ADGRD1: variants seen among roughly 807,000 people sequenced by gnomAD.
ADGRD1 encodes the protein G-protein coupled receptor 133.
In ADGRD1, 77 loss-of-function variants were observed where a neutral mutation model predicts 113.4. The ratio of observed to expected loss-of-function variants is 0.68; its 90% CI spans 0.57 to 0.82. The LOEUF is 0.82. Ranked by LOEUF, ADGRD1 falls within the 40% of genes least tolerant of loss-of-function variation. ADGRD1 has a pLI of 0.00. For synonymous variants in ADGRD1, 474 were observed against 475.0 expected, an observed-to-expected ratio of 1.00 and a Z score of 0.03; for missense variants, 1,036 against 1,139.1, an observed-to-expected ratio of 0.91 and a Z score of 1.30.
chr12:131,101,700 G>A (rs920514486), intron 15 of ADGRD1, among the ~76,000 whole-genome samples: 2 of 152,068 alleles, frequency 1.3e-5, no homozygotes. Flanking sequence ...GTTTTTAACT[G>A]AATTCAGTTT....
Position 131,034,406 on chromosome 12 carries a change from C to T in ADGRD1, c.1473+20066C>T, listed in dbSNP as rs377250233. Among the ~76,000 whole-genome samples the T allele has an allele frequency of 8.5e-5, 13 of 152,358 alleles. No individual in the cohort carries two copies. The East Asian group carries it at 2.1e-3, about 25-fold the overall frequency. ...TGTCCTCCACTGCCCAGCCCAGCCT[C>T]GCCAGCCACTCGCCACATCAGCTGG... On this transcript the variant is annotated intron_variant, in intron 13 of 24. Coordinates refer to ENST00000261654, the MANE Select transcript of ADGRD1 (RefSeq NM_198827.5).
At chr12:130,980,982 G>A (rs1467336389) in intron 4 of ADGRD1, 1 of 152,226 alleles carries the variant, frequency 6.6e-6, no homozygotes, top group Non-Finnish European at 1.5e-5. Flanking sequence ...CCCGCAGCGT[G>A]GGCCTGGGGT....
At chr12:131,004,149 T>C (rs1046578679) in intron 10 of ADGRD1, 37 bp from the exon 11 acceptor site, 18 of 1,342,988 alleles carry the variant, frequency 1.3e-5, no homozygotes, top group Non-Finnish European at 1.7e-5. Flanking sequence ...CTGTGAGCTC[T>C]GACGGGACTT....
chr12:131,115,549 ATC>A (rs1950444826), intron 18 of ADGRD1, among the ~76,000 whole-genome samples: 1 of 142,148 alleles, frequency 7.0e-6, no homozygotes, highest in Non-Finnish European at 1.6e-5. Context: ...ACCTCGGTTA[ATC>A]TCTCATAACC....
rs1887257318 is a variant in ADGRD1 at position 131,096,018 on chromosome 12, GCGGC to G, written c.1672-8812_1672-8809del. On this transcript the variant is annotated intron_variant, in intron 15 of 24. Transcript: ENST00000261654. This position sits in a 1 kb window ranked among gnomAD's most constrained non-coding sequence, Gnocchi z 5.2. ...CCGCCTCCCAGCCCTGCCCAGAGCAGCGGCTTAGGGTCACGGCCACCATTCCTGC... is the reference window on the plus strand; with the variant it reads ...CCGCCTCCCAGCCCTGCCCAGAGCAGTTAGGGTCACGGCCACCATTCCTGC... Among the ~76,000 whole-genome samples the G allele has an allele frequency of 4.5e-5, 4 of 88,332 alleles. No individual in the cohort carries two copies. In the Admixed American group the frequency reaches 6.7e-4, roughly 15 times the overall value. 57.9% of individuals were successfully genotyped at this position (88,332 alleles called of 152,430 possible).
chr12:131,129,538 C>A (rs374490208), intron 20 of ADGRD1, among the ~76,000 whole-genome samples: 1 of 150,934 alleles, frequency 6.6e-6, no homozygotes, highest in African/African-American at 2.5e-5. Flanking sequence ...TCGGTGTGGA[C>A]GTTCAGGTTG....
intron 2 of ADGRD1, chr12:130,962,523 G>A (rs746730146): frequency 6.6e-6 from 1 of 152,040 alleles, no homozygotes; most frequent in Non-Finnish European, 1.5e-5. Context: ...AAGTCAATGA[G>A]GTTTTGTCCT....
At chr12:130,993,954 C>G (rs546223109) in intron 8 of ADGRD1, 1 of 163,712 alleles carries the variant, frequency 6.1e-6, no homozygotes, top group Non-Finnish European at 1.3e-5. Context: ...ACTCCCTCCT[C>G]GTCAGGGGGA....
At chr12:131,080,855 C>T (rs985502379) in intron 14 of ADGRD1, among the ~76,000 whole-genome samples, 14 of 152,122 alleles carry the variant, frequency 9.2e-5, no homozygotes, top group Admixed American at 4.6e-4. Flanking sequence ...CTCCTGACCT[C>T]GTGATCCGCC....
At chr12:131,094,003 G>A (rs1471944349) in intron 15 of ADGRD1, among the ~76,000 whole-genome samples, 1 of 130,360 alleles carries the variant, frequency 7.7e-6, no homozygotes, top group Non-Finnish European at 1.7e-5. Flanking sequence ...CCAGCCCTGA[G>A]CACCCAGCCT....
chr12:131,034,436 T>A (rs11061292), intron 13 of ADGRD1, among the ~76,000 whole-genome samples: 57,957 of 152,168 alleles, frequency 0.38, 11,918 homozygotes, highest in South Asian at 0.53. Context: ...AGCTGGCTCC[T>A]TTTCTTTCCT....
At chr12:131,105,599 T>C (rs577224211) in intron 16 of ADGRD1, among the ~76,000 whole-genome samples, 155 bp from the exon 17 acceptor site, 126 of 152,140 alleles carry the variant, frequency 8.3e-4, no homozygotes, top group Non-Finnish European at 1.4e-3. Context: ...CCAAGAGCAA[T>C]AGGGAGCCAT....
At chr12:131,040,426 C>G (rs537818174) in intron 13 of ADGRD1, among the ~76,000 whole-genome samples, 155 of 152,336 alleles carry the variant, frequency 1.0e-3, no homozygotes, top group African/African-American at 3.5e-3. Flanking sequence ...AAGTCTTAAG[C>G]AGTAATCTCC....
At position 130,971,475 on chromosome 12, in the gene ADGRD1, G is replaced by C. The variant is rs745568689; in HGVS notation, c.205G>C (p.Val69Leu). The C allele has an allele frequency of 2.5e-6, 4 of 1,613,280 alleles. No individual in the cohort carries two copies. Among genetic ancestry groups the C allele is most frequent in the Non-Finnish European group, 3.4e-6 (4 of 1,179,606 alleles). The change falls in exon 4 of 25, where the codon GTC becomes CTC. Residue 69 changes from valine (V) to leucine (L), a missense_variant. Physicochemically the swap from Val to Leu is conservative, Grantham distance 32. Coordinates refer to ENST00000261654, the MANE Select transcript of ADGRD1 (RefSeq NM_198827.5). The surrounding 1 kb of genome is among the most constrained non-coding windows in gnomAD (Gnocchi z 4.2). ...TTCCTTAGATATTGTGGAAGGGAAG[G>C]TCAACAAAGGCATTTACCTGAAAGA... is the stretch of plus-strand genomic sequence containing the variant. ...DTTGDIVEGK[V>L]NKGIYLKEEK...
chr12:131,004,392 G>GCTGCGGTGCTCCCCGGGCCGC, intron 11 of ADGRD1, 96 bp downstream of exon 11: 2 of 790,716 alleles, frequency 2.5e-6, no homozygotes, highest in Non-Finnish European at 4.2e-6. Context: ...GCGCCAGGGA[G>GCTGCGGTGCTCCCCGGGCCGC]CTGCGGTGCT....
intron 15 of ADGRD1, among the ~76,000 whole-genome samples, chr12:131,098,174 T>C (rs12816845): frequency 0.067 from 9,181 of 137,502 alleles, 1,103 homozygotes; most frequent in Non-Finnish European, 0.1. Flanking sequence ...TCTCCCGCAG[T>C]GGCTGCTGTC....
Position 131,050,836 on chromosome 12 carries a change from C to G in ADGRD1, c.1474-25965C>G, listed in dbSNP as rs1306592665. 6.6e-6 allele frequency among the ~76,000 whole-genome samples: 1 copy of G among 152,140 alleles called. No individual in the cohort carries two copies. Among genetic ancestry groups the G allele is most frequent in the African/African-American group, 2.4e-5 (1 of 41,416 alleles). On this transcript the variant is annotated intron_variant, in intron 13 of 24. Transcript: ENST00000261654. This position sits in a 1 kb window ranked among gnomAD's most constrained non-coding sequence, Gnocchi z 4.8. ...TCATGAGGAGCTTGAAACCTAGATACCTCACAAGCAGAGTTCACGGTCGGT... is the reference window on the plus strand; with the variant it reads ...TCATGAGGAGCTTGAAACCTAGATAGCTCACAAGCAGAGTTCACGGTCGGT...
At chr12:131,064,402 T>C (rs1884558718) in intron 13 of ADGRD1, among the ~76,000 whole-genome samples, 2 of 152,246 alleles carry the variant, frequency 1.3e-5, no homozygotes, top group Non-Finnish European at 1.5e-5. Context: ...TGCCTCGATA[T>C]GATCATGTGA....
At chr12:131,082,141 A>G (rs975585942) in intron 14 of ADGRD1, among the ~76,000 whole-genome samples, 1 of 152,054 alleles carries the variant, frequency 6.6e-6, no homozygotes, top group Non-Finnish European at 1.5e-5. Flanking sequence ...GCTTAATTCA[A>G]TGTGTCTTCC....
Sources: allele counts gnomAD v4.1 joint callset (sites outside exome capture counted in the v4.1 genomes callset), GRCh38; gene constraint gnomAD v4.1.1; non-coding constraint Gnocchi (gnomAD v3.1); transcripts MANE v1.5; gene names NCBI Gene and HGNC (gene_info 2026-07-23, HGNC 2026-07-21).